Variants in APC observed in about 807,000 individuals in gnomAD.
The protein encoded by APC is adenomatous polyposis coli protein.
APC carries 72 observed loss-of-function variants against 247.0 expected under a neutral mutation model. The observed-to-expected ratio is 0.29, with a 90% CI of 0.24 to 0.35. The LOEUF is 0.35. APC is among the 10% of genes least tolerant of loss of function. The pLI, the probability that APC is intolerant of heterozygous loss-of-function variation, is 1.00. For synonymous variants in APC, 1,254 were observed against 1,162.5 expected (o/e 1.08, Z -1.60); for missense variants, 3,400 against 3,360.7 (o/e 1.01, Z -0.29).
At chr5:112,759,409 G>A (rs1372609865) in intron 2 of APC, among the ~76,000 whole-genome samples, 2 of 143,428 alleles carry the variant, frequency 1.4e-5, no homozygotes, top group African/African-American at 2.6e-5. Context: ...CCAGGCTGGA[G>A]TGCAGTGACA....
upstream of APC, among the ~76,000 whole-genome samples, chr5:112,735,176 A>T (rs1488890696): frequency 1.3e-5 from 2 of 151,894 alleles, no homozygotes; most frequent in African/African-American, 4.8e-5. Context: ...CATTTTGATC[A>T]GAAAAAATAT....
intron 1 of APC, among the ~76,000 whole-genome samples, chr5:112,745,459 A>G (rs1229505967): frequency 2.0e-5 from 3 of 152,108 alleles, no homozygotes; most frequent in Non-Finnish European, 4.4e-5. Flanking sequence ...TAAGAGAAAA[A>G]TTGATGTCCT....
At chr5:112,732,988 G>C (rs1365591625), upstream of APC, among the ~76,000 whole-genome samples, 1 of 152,168 alleles carries the variant, frequency 6.6e-6, no homozygotes, top group East Asian at 1.9e-4. Flanking sequence ...ATAGATGAAG[G>C]AGTAGTCAAG....
intron 15 of APC, among the ~76,000 whole-genome samples, chr5:112,836,303 T>A (rs1764939663): frequency 6.6e-6 from 1 of 152,056 alleles, no homozygotes; most frequent in Non-Finnish European, 1.5e-5. Context: ...AGTGCTGGGA[T>A]TATAGGCATG....
At chr5:112,833,256 C>G (rs933549640) in intron 14 of APC, among the ~76,000 whole-genome samples, 1 of 150,146 alleles carries the variant, frequency 6.7e-6, no homozygotes, top group Non-Finnish European at 1.5e-5. Context: ...AATCTCGGCT[C>G]ACTGCAACCT....
At chr5:112,723,522 A>G (rs1280809559) in intron 1 of APC, among the ~76,000 whole-genome samples, 1 of 152,166 alleles carries the variant, frequency 6.6e-6, no homozygotes, top group South Asian at 2.1e-4. Flanking sequence ...TGTATTTCAC[A>G]CTGTGCTAAA....
intron 2 of APC, among the ~76,000 whole-genome samples, chr5:112,759,897 C>G (rs539539752): frequency 6.6e-6 from 1 of 152,190 alleles, no homozygotes; most frequent in African/African-American, 2.4e-5. Context: ...TCTTCAAAAT[C>G]AAGGGCCTCT....
In APC at chr5:112,843,737, A is replaced by C. The variant is rs749895442; in HGVS notation, c.8143A>C (p.Thr2715Pro). The change falls in exon 16 of 16, where the codon ACC (threonine) becomes CCC (proline). Residue 2715 changes from threonine (T) to proline (P), a missense_variant. Around this residue, in one of 9 missense-constraint regions of APC, gnomAD observed 1,788 missense variants for 1,649.5 expected, o/e 1.08. Transcript: ENST00000257430. This position sits in a 1 kb window ranked among gnomAD's most constrained non-coding sequence, Gnocchi z 4.8. ...NVGNGSVPMR[T>P]VGLENRLNSF... ...GGGTAATGGCAGTGTTCCCATGCGTACCGTGGGTTTGGAAAATCGCCTGAA... is the reference window on the plus strand; with the variant it reads ...GGGTAATGGCAGTGTTCCCATGCGTCCCGTGGGTTTGGAAAATCGCCTGAA... 1.2e-6 allele frequency: 2 copies of C among 1,614,084 alleles called. No individual in the cohort carries two copies. Among genetic ancestry groups the C allele is most frequent in the Non-Finnish European group, 1.7e-6 (2 of 1,179,952 alleles).
At chr5:112,808,109 C>G (rs1761605930) in intron 8 of APC, among the ~76,000 whole-genome samples, 1 of 151,996 alleles carries the variant, frequency 6.6e-6, no homozygotes, top group African/African-American at 2.4e-5. Flanking sequence ...GAGCCGAGAT[C>G]GCACCACTGC....
rs998471051 is a variant in APC at position 112,707,826 on chromosome 5, G to A, written c.109G>A (p.Glu37Lys). 1.3e-5 allele frequency: 18 copies of A among 1,370,492 alleles called. No homozygotes were observed. The highest frequency in any genetic ancestry group is 1.5e-5 in the Non-Finnish European group (16 of 1,038,788). 84.9% of individuals were successfully genotyped at this position (1,370,492 alleles called of 1,614,324 possible). Residue 37 changes from glutamate to lysine, a missense_variant, in exon 1 of 14, where the codon GAG becomes AAG. Physicochemically the swap from Glu to Lys is moderately conservative, Grantham distance 56. Coordinates refer to the APC transcript ENST00000507379. ...CGGCAGCAGGAGCTGCGTCCGGCAG[G>A]AGACGAAGAGCCCGGGCGGCGCTCG...
chr5:112,771,499 A>G (rs1447484723), intron 4 of APC, among the ~76,000 whole-genome samples: 1 of 152,070 alleles, frequency 6.6e-6, no homozygotes, highest in African/African-American at 2.4e-5. Context: ...TGCTTGTGTG[A>G]TAGTATACTT....
At chr5:112,793,393 A>C (rs879829020) in intron 7 of APC, among the ~76,000 whole-genome samples, 3 of 152,200 alleles carry the variant, frequency 2.0e-5, no homozygotes, top group African/African-American at 7.2e-5. Context: ...AGGAACTTCT[A>C]TAAGGAATGT....
chr5:112,836,922 A>C (rs1028631482), intron 15 of APC, among the ~76,000 whole-genome samples: 6 of 151,954 alleles, frequency 3.9e-5, no homozygotes, highest in African/African-American at 1.5e-4. Context: ...GCTGGTCTTG[A>C]TCTCCTAATC....
chr5:112,838,035 T>C lies in APC; in HGVS notation c.2441T>C (p.Phe814Ser), dbSNP rs864622282. ...NRHDDNRSDN[F>S]NTGNMTVLSP... ...CATGATGATAATAGGTCAGACAATT[T>C]TAATACTGGCAACATGACTGTCCTT... The change falls in exon 16 of 16, where the codon TTT (phenylalanine) becomes TCT (serine). Residue 814 changes from phenylalanine (F) to serine (S), a missense_variant. Physicochemically the swap from Phe to Ser is radical, Grantham distance 155. Transcript: ENST00000257430. The C allele has an allele frequency of 1.2e-6, 2 of 1,614,148 alleles. No homozygotes were observed. The highest frequency in any genetic ancestry group is 1.7e-6 in the Non-Finnish European group (2 of 1,180,014).
intron 7 of APC, 67 bp downstream of exon 7, chr5:112,792,596 G>A (rs983251602): frequency 2.6e-6 from 3 of 1,173,732 alleles, no homozygotes; most frequent in East Asian, 2.4e-5. Flanking sequence ...AAGAAAACAT[G>A]TATAATTTAA....
chr5:112,711,263 A>G (rs909219730), intron 1 of APC, among the ~76,000 whole-genome samples: 3 of 152,210 alleles, frequency 2.0e-5, no homozygotes, highest in Non-Finnish European at 4.4e-5. Context: ...TCAGGGTTGC[A>G]TGTTCTTTAT....
chr5:112,774,667 G>A (rs1370747773), intron 4 of APC, among the ~76,000 whole-genome samples: 6 of 151,462 alleles, frequency 4.0e-5, no homozygotes, highest in Admixed American at 3.3e-4. Flanking sequence ...TTGGGGTTTG[G>A]GTTTTCATCA....
At chr5:112,817,952 A>G (rs1762675705) in intron 9 of APC, among the ~76,000 whole-genome samples, 1 of 152,206 alleles carries the variant, frequency 6.6e-6, no homozygotes, top group African/African-American at 2.4e-5. Context: ...CTAAAGGTGT[A>G]TGTGTATTTA....
At chr5:112,743,713 A>G (rs887647494) in intron 1 of APC, among the ~76,000 whole-genome samples, 1 of 152,198 alleles carries the variant, frequency 6.6e-6, no homozygotes, top group Non-Finnish European at 1.5e-5. Flanking sequence ...TAGACTCGTT[A>G]TAACACCAGT....
Sources: gnomAD v4.1 joint callset for allele counts (sites outside exome capture counted in the v4.1 genomes callset) on GRCh38, gnomAD v4.1.1 for gene constraint, gnomAD v4.1.1 regional missense constraint, Gnocchi (gnomAD v3.1) non-coding constraint, MANE v1.5 for transcripts, NCBI Gene and HGNC (gene_info 2026-07-23, HGNC 2026-07-21) for gene names.